Variants in TGM6 observed in about 807,000 individuals in gnomAD.
The protein encoded by TGM6 is transglutaminase 6.
Under a neutral mutation model 77.5 loss-of-function variants are expected in TGM6, and 74 were observed. That is an observed-to-expected ratio of 0.96 (90% CI 0.79 to 1.16). TGM6 has a LOEUF of 1.16. TGM6 is among the 50% of genes most tolerant of loss of function. TGM6 has a pLI of 0.00. For synonymous variants in TGM6, 383 were observed against 378.9 expected, an observed-to-expected ratio of 1.01 and a Z score of -0.12; for missense variants, 968 against 940.2, an observed-to-expected ratio of 1.03 and a Z score of -0.39.
chr20:2,399,785 C>T, intron 6 of TGM6, 47 bp downstream of exon 6: 2 of 1,530,022 alleles, frequency 1.3e-6, no homozygotes, highest in Non-Finnish European at 1.8e-6. Flanking sequence ...CCCCAGCTTC[C>T]TCTATCTAAA....
At chr20:2,418,359 G>C (rs1254337081) in intron 10 of TGM6, among the ~76,000 whole-genome samples, 1 of 152,142 alleles carries the variant, frequency 6.6e-6, no homozygotes, top group Non-Finnish European at 1.5e-5. Context: ...TGCATGCGAC[G>C]GCACAATCCC....
At chr20:2,410,964 T>C (rs1366227256) in intron 9 of TGM6, among the ~76,000 whole-genome samples, 1 of 152,180 alleles carries the variant, frequency 6.6e-6, no homozygotes, top group African/African-American at 2.4e-5. Context: ...TAGTTCATAA[T>C]GAACTAGTAA....
rs761552290 is a variant in TGM6, at chr20:2,395,253, C to T, written c.241C>T (p.Arg81Trp). The T allele has an allele frequency of 2.2e-5, 36 of 1,613,902 alleles. No individual in the cohort carries two copies. The highest frequency in any genetic ancestry group is 1.3e-4 in the East Asian group (6 of 44,888). Residue 81 changes from arginine (R) to tryptophan (W), a missense_variant, in exon 3 of 13, where the codon CGG (arginine) becomes TGG (tryptophan). Transcript: ENST00000202625. ...TGTGTTCCAGACATCGGAGCTGGAG[C>T]GGGGTGAGGGCTGGACAGCAGCAAG... ...KAVFQTSELE[R>W]GEGWTAAREA...
intron 12 of TGM6, among the ~76,000 whole-genome samples, chr20:2,431,947 G>T (rs1427273405): frequency 6.6e-6 from 1 of 152,226 alleles, no homozygotes. Context: ...GCCCAGAGGG[G>T]GGAAGTTCAG....
chr20:2,395,381 A>G lies in TGM6; in HGVS notation c.369A>G (p.Lys123=). Reference sequence around the variant, plus strand: ...GCATCAGGCTTTCCTCTCACCGCAAACACAGCAACCGGAGGCTGGGCGAGT... The same window carrying G: ...GCATCAGGCTTTCCTCTCACCGCAAGCACAGCAACCGGAGGCTGGGCGAGT... ...LLSIRLSSHR[K]HSNRRLGEFV... Residue 123 remains lysine, a synonymous_variant, in exon 3 of 13, where the codon AAA becomes AAG. Transcript: ENST00000202625. 2 of 1,614,218 alleles carry G rather than the reference A, an allele frequency of 1.2e-6. No homozygotes were observed. Among genetic ancestry groups the G allele is most frequent in the East Asian group, 4.5e-5 (2 of 44,892 alleles).
At chr20:2,395,590 G>A (rs537404588) in intron 3 of TGM6, among the ~76,000 whole-genome samples, 154 bp downstream of exon 3, 2 of 152,340 alleles carry the variant, frequency 1.3e-5, no homozygotes, top group South Asian at 4.1e-4. Flanking sequence ...GTAGGCAATG[G>A]TCAGAGAAAC....
At chr20:2,397,263 C>T (rs2084675599) in intron 4 of TGM6, among the ~76,000 whole-genome samples, 1 of 152,184 alleles carries the variant, frequency 6.6e-6, no homozygotes, top group Non-Finnish European at 1.5e-5. Flanking sequence ...GCCGCACGGA[C>T]GTGGGAAGTA....
chr20:2,404,008 C>A (rs915613588), intron 9 of TGM6, among the ~76,000 whole-genome samples, 185 bp downstream of exon 9: 6 of 152,236 alleles, frequency 3.9e-5, no homozygotes, highest in Non-Finnish European at 5.9e-5. Flanking sequence ...ATAGCTTCCT[C>A]TGTTTGCTAA....
chr20:2,394,448 C>T lies in TGM6; in HGVS notation c.8-4C>T. ...CCTCATCTCCCTGTCCTCTCCCCAC[C>T]CAGGGATCAGAGTCACCAAGGTGGA... On this transcript the variant is annotated splice_region_variant and splice_polypyrimidine_tract_variant and intron_variant, in intron 1 of 12. Coordinates refer to ENST00000202625, the MANE Select transcript of TGM6 (RefSeq NM_198994.3). 6.2e-7 allele frequency: 1 copy of T among 1,611,336 alleles called. No homozygotes were observed. The highest frequency in any genetic ancestry group is 8.5e-7 in the Non-Finnish European group (1 of 1,179,840).
chr20:2,417,129 G>A (rs777395785), intron 9 of TGM6, 103 bp from the exon 10 acceptor site: 33 of 973,640 alleles, frequency 3.4e-5, no homozygotes, highest in African/African-American at 4.8e-5. Flanking sequence ...ATGTGGCGCC[G>A]GTGTGCATAT....
At chr20:2,403,933 G>T (rs1175423675) in intron 9 of TGM6, 110 bp downstream of exon 9, 18 of 1,564,316 alleles carry the variant, frequency 1.2e-5, no homozygotes, top group Non-Finnish European at 1.4e-5. Flanking sequence ...ATATGACGCT[G>T]ACAGCAGCTT....
intron 3 of TGM6, among the ~76,000 whole-genome samples, chr20:2,396,294 T>C (rs2084666626): frequency 6.6e-6 from 1 of 152,126 alleles, no homozygotes; most frequent in Non-Finnish European, 1.5e-5. Context: ...CATAAAACTC[T>C]TTTGGGATTG....
intron 9 of TGM6, among the ~76,000 whole-genome samples, chr20:2,409,571 G>C (rs769050978): frequency 7.2e-5 from 11 of 151,972 alleles, no homozygotes; most frequent in African/African-American, 2.7e-4. Context: ...AATTAATTGG[G>C]TGTGGGGGCA....
chr20:2,431,158 A>G, intron 12 of TGM6, 131 bp downstream of exon 12: 2 of 1,092,274 alleles, frequency 1.8e-6, no homozygotes, highest in Non-Finnish European at 2.6e-6. Flanking sequence ...CAGACTATAC[A>G]TATCAGCCTT....
rs556290667 is a variant in TGM6 at position 2,390,020 on chromosome 20, T to C, written c.8-4432T>C. On this transcript the variant is annotated intron_variant, in intron 1 of 12. Coordinates refer to ENST00000202625, the MANE Select transcript of TGM6 (RefSeq NM_198994.3). Reference sequence around the variant, plus strand: ...GACTTGCCTCATTCCCAGAGAAGCCTCCAATCCCAAGCAAAGCCCTGCTTC... The same window carrying C: ...GACTTGCCTCATTCCCAGAGAAGCCCCCAATCCCAAGCAAAGCCCTGCTTC... 9.5e-4 allele frequency among the ~76,000 whole-genome samples: 144 copies of C among 152,276 alleles called. 1 individual carries two copies. Among genetic ancestry groups the C allele is most frequent in the African/African-American group, 3.4e-3 (141 of 41,556 alleles).
chr20:2,381,113 T>A, intron 1 of TGM6, 138 bp downstream of exon 1: 15 of 1,299,078 alleles, frequency 1.2e-5, no homozygotes, highest in Middle Eastern at 1.9e-4. Flanking sequence ...ACACATGAAC[T>A]CTTCGTGTGG....
chr20:2,405,994 A>C (rs2084748066), intron 9 of TGM6, among the ~76,000 whole-genome samples: 1 of 152,158 alleles, frequency 6.6e-6, no homozygotes, highest in African/African-American at 2.4e-5. Flanking sequence ...AGGCACCCCC[A>C]ATCTTGATCA....
At position 2,384,173 on chromosome 20, in the gene TGM6, G is replaced by A. The variant is rs78780146; in HGVS notation, c.7+3198G>A. 3.7e-4 allele frequency among the ~76,000 whole-genome samples: 56 copies of A among 151,358 alleles called. 1 individual carries two copies. The East Asian group carries it at 0.01, about 28-fold the overall frequency. On this transcript the variant is annotated intron_variant, in intron 1 of 12. Transcript: ENST00000202625. ...CACTGTGGACCCAGCACCAGGCTAC[G>A]TACCTGATGAATAGGGAGACGTTGA...
At chr20:2,415,908 C>A (rs535688417) in intron 9 of TGM6, among the ~76,000 whole-genome samples, 1 of 152,260 alleles carries the variant, frequency 6.6e-6, no homozygotes, top group South Asian at 2.1e-4. Flanking sequence ...GGGCCCTAAA[C>A]TCACATGTCT....
Sources: allele counts gnomAD v4.1 joint callset (sites outside exome capture counted in the v4.1 genomes callset), GRCh38; gene constraint gnomAD v4.1.1; transcripts MANE v1.5; gene names NCBI Gene and HGNC (gene_info 2026-07-23, HGNC 2026-07-21).